Variants in NSMCE2 observed in about 807,000 individuals in gnomAD.
The protein encoded by NSMCE2 is NSE2 SUMO ligase component of SMC5/6 complex.
Under a neutral mutation model 23.8 loss-of-function variants are expected in NSMCE2, and 24 were observed. The ratio of observed to expected loss-of-function variants is 1.01; its 90% CI spans 0.73 to 1.42. The LOEUF is 1.42. NSMCE2 is among the 40% of genes most tolerant of loss of function. NSMCE2 has a pLI of 0.00. For missense variants in NSMCE2, 284 were observed against 296.5 expected, an observed-to-expected ratio of 0.96 and a Z score of 0.31; for synonymous variants, 92 against 94.1, an observed-to-expected ratio of 0.98 and a Z score of 0.13.
At chr8:125,129,583 T>C (rs1819660925) in intron 3 of NSMCE2, among the ~76,000 whole-genome samples, 1 of 151,934 alleles carries the variant, frequency 6.6e-6, no homozygotes, top group Non-Finnish European at 1.5e-5. Flanking sequence ...TGTGTGTCTG[T>C]GTGTTTCATT....
intron 4 of NSMCE2, among the ~76,000 whole-genome samples, chr8:125,157,576 T>C (rs1032977998): frequency 7.2e-5 from 11 of 152,316 alleles, no homozygotes; most frequent in African/African-American, 2.6e-4. Flanking sequence ...CGGTAACATT[T>C]TGCCTAATAA....
At chr8:125,096,686 C>T (rs1171935141) in intron 1 of NSMCE2, among the ~76,000 whole-genome samples, 1 of 129,240 alleles carries the variant, frequency 7.7e-6, no homozygotes, top group Non-Finnish European at 1.6e-5. Flanking sequence ...TCTCAGCTCA[C>T]TGCAACTGCT....
rs1822536563 is a variant in NSMCE2 at position 125,177,101 on chromosome 8, C to T, written c.265-5002C>T. The stretch of plus-strand genomic sequence containing the variant: ...GTTTTCTATGTATGTTTCTTTATCA[C>T]CTCCTCCTCTACCCACAACTTTGTT... On this transcript the variant is annotated intron_variant, in intron 4 of 7. Transcript: ENST00000287437. Among the ~76,000 whole-genome samples, 5 of 152,322 alleles carry T rather than the reference C, an allele frequency of 3.3e-5. 1 individual carries two copies. In the South Asian group the frequency reaches 1.0e-3, roughly 32 times the overall value.
intron 3 of NSMCE2, among the ~76,000 whole-genome samples, chr8:125,104,858 T>G (rs1320802156): frequency 6.6e-6 from 1 of 152,094 alleles, no homozygotes; most frequent in African/African-American, 2.4e-5. Flanking sequence ...CGAAACCCTG[T>G]CTCTACTAAA....
chr8:125,126,962 G>A (rs74456568), intron 3 of NSMCE2: 2 of 152,050 alleles, frequency 1.3e-5, no homozygotes, highest in Non-Finnish European at 2.9e-5. Flanking sequence ...TGGTTCTTTC[G>A]CAGGTGAGAG....
intron 5 of NSMCE2, among the ~76,000 whole-genome samples, chr8:125,281,884 G>T (rs185790014): frequency 2.2e-3 from 337 of 151,998 alleles, no homozygotes; most frequent in African/African-American, 7.7e-3. Context: ...TGGCTAAGTG[G>T]GTGATTTAAG....
At chr8:125,145,663 C>T (rs768286370) in intron 3 of NSMCE2, among the ~76,000 whole-genome samples, 6 of 152,078 alleles carry the variant, frequency 3.9e-5, no homozygotes, top group African/African-American at 1.2e-4. Context: ...GGCTGGGGGT[C>T]GGGGGAGTCA....
At chr8:125,344,896 G>T (rs1830379694) in intron 5 of NSMCE2, among the ~76,000 whole-genome samples, 1 of 151,920 alleles carries the variant, frequency 6.6e-6, no homozygotes, top group South Asian at 2.1e-4. Flanking sequence ...GAGAAACTGA[G>T]ATTTTGTGAG....
rs71295817 is a variant in NSMCE2 at position 125,107,188 on chromosome 8, C to CTT, written c.157+4718_157+4719dup. 5.0e-3 allele frequency among the ~76,000 whole-genome samples: 600 copies of CTT among 119,996 alleles called. 17 individuals are homozygous for CTT. Among genetic ancestry groups the CTT allele is most frequent in the African/African-American group, 0.016 (483 of 30,468 alleles). The allele number at this position is 119,996 out of a possible 152,430, so 78.7% of individuals were successfully genotyped here. A position where few individuals can be genotyped will look rare whatever the true frequency, so the allele number is the denominator to read the frequency against. ...ATTGTACTGTTTTATCAAGGACATT[C>CTT]TTTTTTTTTTTTTTTTTTGAGATGG... On this transcript the variant is annotated intron_variant, in intron 3 of 7. Coordinates refer to ENST00000287437, the MANE Select transcript of NSMCE2 (RefSeq NM_173685.4).
intron 5 of NSMCE2, among the ~76,000 whole-genome samples, chr8:125,203,133 T>G (rs1298648871): frequency 6.6e-6 from 1 of 151,900 alleles, no homozygotes. Flanking sequence ...TAGATATACA[T>G]AGATTTAAAT....
intron 4 of NSMCE2, among the ~76,000 whole-genome samples, chr8:125,159,387 T>G (rs1289965898): frequency 6.6e-6 from 1 of 152,234 alleles, no homozygotes; most frequent in Non-Finnish European, 1.5e-5. Context: ...GTACCTTTTC[T>G]GTGTTTACAT....
intron 7 of NSMCE2, among the ~76,000 whole-genome samples, chr8:125,361,903 A>C (rs1813572748): frequency 6.6e-6 from 1 of 152,184 alleles, no homozygotes; most frequent in Non-Finnish European, 1.5e-5. Flanking sequence ...CTTGTAGACT[A>C]AACCTTGGAA....
At chr8:125,147,821 A>G (rs1192757809) in intron 3 of NSMCE2, among the ~76,000 whole-genome samples, 1 of 152,110 alleles carries the variant, frequency 6.6e-6, no homozygotes, top group Non-Finnish European at 1.5e-5. Context: ...TTTTTACTGC[A>G]GTCGGGAAAT....
intron 5 of NSMCE2, among the ~76,000 whole-genome samples, chr8:125,282,666 GAGTTCAATTC>G (rs1475765831): frequency 1.3e-5 from 2 of 152,172 alleles, no homozygotes; most frequent in Non-Finnish European, 2.9e-5. Context: ...AATTTCCACT[GAGTTCAATTC>G]AGGACAGTTA....
intron 5 of NSMCE2, among the ~76,000 whole-genome samples, chr8:125,356,212 C>T (rs1813266049): frequency 6.8e-6 from 1 of 148,090 alleles, no homozygotes; most frequent in Non-Finnish European, 1.5e-5. Context: ...TGCCATTCTT[C>T]TCATTATGTA....
chr8:125,365,605 C>T (rs1813747201), intron 7 of NSMCE2, among the ~76,000 whole-genome samples: 1 of 152,162 alleles, frequency 6.6e-6, no homozygotes, highest in Non-Finnish European at 1.5e-5. Flanking sequence ...CCTGTAATCC[C>T]AGCACTTTGG....
chr8:125,252,099 C>T (rs187694010), intron 5 of NSMCE2, among the ~76,000 whole-genome samples: 41 of 152,118 alleles, frequency 2.7e-4, no homozygotes, highest in Admixed American at 2.4e-3. Flanking sequence ...CTGAGATTGC[C>T]CAGGAGAGTA....
At position 125,179,001 on chromosome 8, in the gene NSMCE2, C is replaced by A. The variant is rs981367687; in HGVS notation, c.265-3102C>A. On this transcript the variant is annotated intron_variant, in intron 4 of 7. Coordinates refer to ENST00000287437, the MANE Select transcript of NSMCE2 (RefSeq NM_173685.4). ...GGGAAGACCATTTGATGCCATAGGA[C>A]CCAGCCCTGCTTGGACTTGCCCTGA... is the stretch of plus-strand genomic sequence containing the variant. Among the ~76,000 whole-genome samples, 6 of 152,236 alleles carry A rather than the reference C, an allele frequency of 3.9e-5. 1 individual carries two copies. The East Asian group carries it at 1.2e-3, about 30-fold the overall frequency.
intron 5 of NSMCE2, among the ~76,000 whole-genome samples, chr8:125,320,773 G>A (rs987989141): frequency 6.6e-6 from 1 of 152,154 alleles, no homozygotes; most frequent in African/African-American, 2.4e-5. Flanking sequence ...GAAAGAAAAT[G>A]ATGCAGTATT....
Sources: allele counts gnomAD v4.1 joint callset (sites outside exome capture counted in the v4.1 genomes callset), GRCh38; gene constraint gnomAD v4.1.1; transcripts MANE v1.5; gene names NCBI Gene and HGNC (gene_info 2026-07-23, HGNC 2026-07-21).